TMEM161A: variants seen among roughly 807,000 people sequenced by gnomAD.
TMEM161A encodes adaptive response to oxidative stress protein 29.
A neutral mutation model predicts 57.1 loss-of-function variants in TMEM161A; 46 were observed. The ratio of observed to expected loss-of-function variants is 0.81; its 90% CI spans 0.64 to 1.03. The LOEUF is 1.03. TMEM161A is among the 50% of genes least tolerant of loss of function. TMEM161A has a pLI of 0.00. For synonymous variants in TMEM161A, 288 were observed against 279.0 expected, an observed-to-expected ratio of 1.03 and a Z score of -0.32; for missense variants, 601 against 621.5, an observed-to-expected ratio of 0.97 and a Z score of 0.35.
In TMEM161A at chr19:19,119,806, G is replaced by T; in HGVS notation, c.*124C>A. 1 of 1,283,000 alleles carries T rather than the reference G, an allele frequency of 7.8e-7. No homozygotes were observed. Among genetic ancestry groups the T allele is most frequent in the Non-Finnish European group, 1.1e-6 (1 of 943,928 alleles). The allele number at this position is 1,283,000 out of a possible 1,614,324, so 79.5% of individuals were successfully genotyped here. On this transcript the variant is annotated 3_prime_UTR_variant, in exon 12 of 12. Transcript: ENST00000162044. ...GCCGCGGGTCAGGCACTGTGGTGAA[G>T]GGAACGCCGGGGAGTCCGGCCCCAC...
intron 6 of TMEM161A, among the ~76,000 whole-genome samples, chr19:19,128,620 C>T (rs568970430): frequency 6.8e-6 from 1 of 148,148 alleles, no homozygotes; most frequent in East Asian, 2.0e-4. Context: ...CTCACCACAA[C>T]CTCCGCTTCC....
intron 5 of TMEM161A, among the ~76,000 whole-genome samples, chr19:19,131,087 G>A (rs1284843043): frequency 1.3e-5 from 2 of 152,104 alleles, no homozygotes; most frequent in Non-Finnish European, 2.9e-5. Flanking sequence ...AGGCATGGTG[G>A]CGCATGCCTG....
chr19:19,131,509 C>CACACACACACATATATATATATAT (rs2059958532), intron 5 of TMEM161A, among the ~76,000 whole-genome samples: 2 of 24,872 alleles, frequency 8.0e-5, no homozygotes, highest in Admixed American at 4.7e-4. Flanking sequence ...TATATATATA[C>CACACACACACATATATATATATAT]ACACACACAC....
chr19:19,126,945 C>T (rs1675874353), intron 6 of TMEM161A, among the ~76,000 whole-genome samples: 1 of 142,092 alleles, frequency 7.0e-6, no homozygotes, highest in Non-Finnish European at 1.5e-5. Flanking sequence ...TACTTGGGAG[C>T]CTGAGGCATG....
At position 19,121,600 on chromosome 19, in the gene TMEM161A, A is replaced by T. The variant is rs2059911083; in HGVS notation, c.725T>A (p.Leu242His). 1 of 1,613,930 alleles carries T rather than the reference A, an allele frequency of 6.2e-7. No homozygotes were observed. ...GGCCAGCCGCAGGCCTGGGAAGGTG[A>T]GGAAGGCACCCAGCACAGAGCCCAC... ...AVVGSVLGAF[L>H]TFPGLRLAQT... Residue 242 changes from leucine to histidine, a missense_variant, in exon 8 of 12, where the codon CTC becomes CAC. By Grantham distance (99) the Leu-to-His change is moderately conservative. Transcript: ENST00000162044. The surrounding 1 kb of genome is among the most constrained non-coding windows in gnomAD (Gnocchi z 5.8).
intron 5 of TMEM161A, among the ~76,000 whole-genome samples, chr19:19,131,833 G>GT (rs1478702497): frequency 6.6e-6 from 1 of 151,622 alleles, no homozygotes; most frequent in Non-Finnish European, 1.5e-5. Flanking sequence ...GCTAATTTTT[G>GT]TATTTTTAGT....
At chr19:19,120,681 C>A in intron 11 of TMEM161A, 84 bp downstream of exon 11, 3 of 1,310,210 alleles carry the variant, frequency 2.3e-6, no homozygotes, top group East Asian at 2.3e-5. Context: ...TCCCCCCCCA[C>A]CGCGGTCCCC....
intron 1 of TMEM161A, among the ~76,000 whole-genome samples, chr19:19,136,135 T>C (rs2059983523): frequency 1.3e-5 from 2 of 152,166 alleles, no homozygotes; most frequent in African/African-American, 4.8e-5. Context: ...GTTTTCCTGC[T>C]TGAATGCAGT....
chr19:19,120,663 C>A lies in TMEM161A; in HGVS notation c.1186+102G>T, dbSNP rs1003579705. The stretch of plus-strand genomic sequence containing the variant: ...CACAGTCTCCGCCCCCTGCCTAGGC[C>A]CCGCCTCTCCCCCCCCACCGCGGTC... On this transcript the variant is annotated intron_variant, in intron 11 of 11. Coordinates refer to ENST00000162044, the MANE Select transcript of TMEM161A (RefSeq NM_017814.3). 6.4e-6 allele frequency: 7 copies of A among 1,090,798 alleles called. No homozygotes were observed. The African/African-American group carries it at 7.7e-5, about 12-fold the overall frequency. The allele number at this position is 1,090,798 out of a possible 1,614,324, so 67.6% of individuals were successfully genotyped here.
At chr19:19,128,207 G>A (rs533973097) in intron 6 of TMEM161A, among the ~76,000 whole-genome samples, 7 of 149,780 alleles carry the variant, frequency 4.7e-5, no homozygotes, top group Non-Finnish European at 1.0e-4. Context: ...GGTGGTGATG[G>A]TTGCACGACA....
rs747264567 is a variant in TMEM161A, at chr19:19,120,061, C to A, written c.1309G>T (p.Ala437Ser). 3.1e-6 allele frequency: 5 copies of A among 1,595,466 alleles called. No homozygotes were observed. The highest frequency in any genetic ancestry group is 4.3e-6 in the Non-Finnish European group (5 of 1,171,672). ...AGGGGAGTAAGCAGGCCACCCAGAG[C>A]CCCGGCAATCCGCGCTGCAGTCTGC... ...VQQTAARIAGALGGLLTPLFL... is the reference protein window; with the variant it reads ...VQQTAARIAGSLGGLLTPLFL... Residue 437 changes from alanine (A) to serine (S), a missense_variant, in exon 12 of 12, where the codon GCT becomes TCT. Transcript: ENST00000162044.
rs77268768 is a variant in TMEM161A, at chr19:19,137,984, C to T, written c.3+442G>A. 6.3e-3 allele frequency among the ~76,000 whole-genome samples: 953 copies of T among 152,292 alleles called. 12 individuals are homozygous for T. Among genetic ancestry groups the T allele is most frequent in the African/African-American group, 0.022 (908 of 41,560 alleles). On this transcript the variant is annotated intron_variant, in intron 1 of 11. Transcript: ENST00000162044. ...GCCTCCCCTGCCCGTTCCACACACCCCGATATAGCAGGGACCCCCGATGGA... is the reference window on the plus strand; with the variant it reads ...GCCTCCCCTGCCCGTTCCACACACCTCGATATAGCAGGGACCCCCGATGGA...
intron 1 of TMEM161A, among the ~76,000 whole-genome samples, chr19:19,137,180 C>T (rs1212331944): frequency 6.6e-6 from 1 of 152,110 alleles, no homozygotes; most frequent in Non-Finnish European, 1.5e-5. Context: ...TCACAGTCAG[C>T]CCCCAACTTG....
Position 19,121,597 on chromosome 19 carries a change from G to A in TMEM161A, c.728C>T (p.Thr243Ile). 1 of 1,614,000 alleles carries A rather than the reference G, an allele frequency of 6.2e-7. No homozygotes were observed. The highest frequency in any genetic ancestry group is 1.3e-5 in the African/African-American group (1 of 75,040). Residue 243 changes from threonine to isoleucine, a missense_variant, in exon 8 of 12, where the codon ACC (threonine) becomes ATC (isoleucine). Transcript: ENST00000162044. The surrounding 1 kb of genome is among the most constrained non-coding windows in gnomAD (Gnocchi z 5.8). Reference protein sequence around the residue: ...VVGSVLGAFLTFPGLRLAQTH... With the variant: ...VVGSVLGAFLIFPGLRLAQTH... The stretch of plus-strand genomic sequence containing the variant: ...CTGGGCCAGCCGCAGGCCTGGGAAG[G>A]TGAGGAAGGCACCCAGCACAGAGCC...
chr19:19,120,752 C>T lies in TMEM161A; in HGVS notation c.1186+13G>A, dbSNP rs1466713274. On this transcript the variant is annotated intron_variant, in intron 11 of 11. Coordinates refer to ENST00000162044, the MANE Select transcript of TMEM161A (RefSeq NM_017814.3). ...CTCCGCCCCTCCTCCACCCCCACAC[C>T]GCGGCATCTCACCCAGCGTCTTGAG... 8.1e-6 allele frequency: 13 copies of T among 1,612,144 alleles called. No individual in the cohort carries two copies. Among genetic ancestry groups the T allele is most frequent in the African/African-American group, 1.3e-5 (1 of 75,020 alleles).
intron 1 of TMEM161A, among the ~76,000 whole-genome samples, chr19:19,137,382 A>T (rs1365386449): frequency 2.0e-5 from 3 of 151,384 alleles, no homozygotes; most frequent in East Asian, 3.9e-4. Flanking sequence ...GCATCTCTCC[A>T]CCTAAGGCTC....
chr19:19,120,252 C>CG (rs889283114), intron 11 of TMEM161A, 69 bp from the exon 12 acceptor site: 18 of 1,344,878 alleles, frequency 1.3e-5, no homozygotes, highest in South Asian at 4.4e-5. Flanking sequence ...AGGGCTGGCA[C>CG]GGGGGGCCAG....
chr19:19,132,674 G>A lies in TMEM161A; in HGVS notation c.269C>T (p.Thr90Met), dbSNP rs145567349. The change falls in exon 4 of 12, where the codon ACG becomes ATG. Residue 90 changes from threonine (T) to methionine (M), a missense_variant. Physicochemically the swap from Thr to Met is moderately conservative, Grantham distance 81. Coordinates refer to ENST00000162044, the MANE Select transcript of TMEM161A (RefSeq NM_017814.3). The surrounding 1 kb of genome is among the most constrained non-coding windows in gnomAD (Gnocchi z 4.3). Reference sequence around the variant, plus strand: ...GCTATTACCCAGGGCATCCACGGTCGTGAGGGGGCAGGTCTCCAGCTGGAA... The same window carrying A: ...GCTATTACCCAGGGCATCCACGGTCATGAGGGGGCAGGTCTCCAGCTGGAA... ...APFQLETCPL[T>M]TVDALVLRFF... 5.5e-5 allele frequency: 87 copies of A among 1,576,212 alleles called. 1 individual carries two copies. Among genetic ancestry groups the A allele is most frequent in the South Asian group, 1.7e-4 (14 of 84,680 alleles).
At chr19:19,120,954 C>G (rs775593995) in intron 10 of TMEM161A, 38 bp downstream of exon 10, 9 of 1,609,052 alleles carry the variant, frequency 5.6e-6, no homozygotes, top group Non-Finnish European at 7.6e-6. Flanking sequence ...CCCTGAGCCC[C>G]AGGTTCCCTC....
Sources: gnomAD v4.1 joint callset for allele counts (sites outside exome capture counted in the v4.1 genomes callset) on GRCh38, gnomAD v4.1.1 for gene constraint, Gnocchi (gnomAD v3.1) non-coding constraint, MANE v1.5 for transcripts, NCBI Gene and HGNC (gene_info 2026-07-23, HGNC 2026-07-21) for gene names.